SLC17A1: variants seen among roughly 807,000 people sequenced by gnomAD.
SLC17A1 encodes solute carrier family 17 member 1, also known as sodium-dependent phosphate transport protein 1.
Under a neutral mutation model 53.5 loss-of-function variants are expected in SLC17A1, and 51 were observed. That is an observed-to-expected ratio of 0.95 (90% CI 0.76 to 1.20). The LOEUF (loss-of-function observed/expected upper bound fraction) is 1.20. Among genes scored for constraint, SLC17A1 ranks in the 50% most tolerant of loss-of-function variants. The pLI, the probability that SLC17A1 is intolerant of heterozygous loss-of-function variation, is 0.00. For missense variants in SLC17A1, 538 were observed against 568.2 expected (o/e 0.95, Z 0.54); for synonymous variants, 179 against 198.8 (o/e 0.90, Z 0.84).
At chr6:25,800,827 T>G in intron 11 of SLC17A1, 63 bp downstream of exon 11, 3 of 1,028,888 alleles carry the variant, frequency 2.9e-6, no homozygotes, top group Non-Finnish European at 4.5e-6. Flanking sequence ...ATTTTTCATA[T>G]GTGTAATCTT....
intron 12 of SLC17A1, among the ~76,000 whole-genome samples, chr6:25,784,615 C>G (rs1421455177): frequency 6.6e-6 from 1 of 152,186 alleles, no homozygotes; most frequent in Non-Finnish European, 1.5e-5. Flanking sequence ...ACACCTCGTA[C>G]TACGCCCCAC....
At chr6:25,731,782 T>A in the SLC17A1 span, 3 of 1,580,324 alleles carry the variant, frequency 1.9e-6, no homozygotes, top group Non-Finnish European at 2.6e-6. Context: ...CCTATCATGT[T>A]TTACTTGGAG....
chr6:25,778,975 A>T, downstream of SLC17A1: 1 of 1,571,666 alleles, frequency 6.4e-7, no homozygotes, highest in East Asian at 2.2e-5. Flanking sequence ...GAGCAGGAGG[A>T]CACAGAGCCA....
intron 1 of SLC17A1, among the ~76,000 whole-genome samples, chr6:25,831,195 T>G (rs1262147487): frequency 6.6e-6 from 1 of 152,138 alleles, no homozygotes; most frequent in Non-Finnish European, 1.5e-5. Flanking sequence ...GATGCAAAGC[T>G]TTATGGCAGG....
At chr6:25,800,134 A>G (rs1763711483) in intron 11 of SLC17A1, among the ~76,000 whole-genome samples, 1 of 152,086 alleles carries the variant, frequency 6.6e-6, no homozygotes, top group African/African-American at 2.4e-5. Flanking sequence ...TGCTAGTGGT[A>G]TGAAGGTGTA....
chr6:25,802,935 C>CTTTTTTTTTTTTTTTTTTTTT lies in SLC17A1; in HGVS notation c.1179-1976_1179-1956dup, dbSNP rs34669145. On this transcript the variant is annotated intron_variant, in intron 10 of 12. Transcript: ENST00000244527. ...ATGACGTTTTAACGACTATCTTCTT[C>CTTTTTTTTTTTTTTTTTTTTT]TTTTTTTTTTTTTTTTTTTTTTTTT... Among the ~76,000 whole-genome samples the CTTTTTTTTTTTTTTTTTTTTT allele has an allele frequency of 5.9e-4, 27 of 46,064 alleles. 6 individuals carry two copies. The highest frequency in any genetic ancestry group is 1.4e-3 in the African/African-American group (15 of 11,088). 30.2% of individuals were successfully genotyped at this position (46,064 alleles called of 152,430 possible).
chr6:25,819,087 G>A lies in SLC17A1; in HGVS notation c.597C>T (p.Pro199=), dbSNP rs764684597. 20 of 1,604,458 alleles carry A rather than the reference G, an allele frequency of 1.2e-5. No homozygotes were observed. The highest frequency in any genetic ancestry group is 1.6e-5 in the Non-Finnish European group (19 of 1,177,028). ...ACTCACCAAAAATATAGAAGACCAT[G>A]GGCCAGCCCAGAGATTCACAGATAA... ...TGVICESLGW[P]MVFYIFGACG... is the part of the protein sequence containing the mutation. Residue 199 remains proline, a synonymous_variant, in exon 6 of 13, where the codon CCC becomes CCT. Coordinates refer to ENST00000244527, the MANE Select transcript of SLC17A1 (RefSeq NM_005074.5).
At chr6:25,738,482 T>C in the SLC17A1 span, among the ~76,000 whole-genome samples, 1 of 152,062 alleles carries the variant, frequency 6.6e-6, no homozygotes, top group Non-Finnish European at 1.5e-5. Flanking sequence ...GAGAAAAGTC[T>C]TTTGAGTCTA....
At chr6:25,727,192 A>G in the SLC17A1 span, 20 of 1,614,132 alleles carry the variant, frequency 1.2e-5, no homozygotes, top group Non-Finnish European at 1.7e-5. Context: ...TCTTCCAGAG[A>G]GATTCAGACA....
chr6:25,809,909 A>G (rs953974948), intron 10 of SLC17A1, among the ~76,000 whole-genome samples: 1 of 152,170 alleles, frequency 6.6e-6, no homozygotes, highest in African/African-American at 2.4e-5. Context: ...TACTAGAATG[A>G]AAATAGATAC....
the SLC17A1 span, among the ~76,000 whole-genome samples, chr6:25,756,446 G>A: frequency 6.6e-6 from 1 of 152,122 alleles, no homozygotes; most frequent in Admixed American, 6.5e-5. Context: ...TGACCTAGTT[G>A]CTGTCAATGC....
At chr6:25,823,431 C>T (rs1764634978) in intron 3 of SLC17A1, among the ~76,000 whole-genome samples, 2 of 152,066 alleles carry the variant, frequency 1.3e-5, no homozygotes, top group Admixed American at 1.3e-4. Context: ...TGCATTCTCA[C>T]CAGGACTGTA....
chr6:25,792,440 A>C (rs183817760), intron 12 of SLC17A1, among the ~76,000 whole-genome samples: 19 of 151,638 alleles, frequency 1.3e-4, no homozygotes, highest in African/African-American at 4.6e-4. Flanking sequence ...CCAGTCTACA[A>C]GTCTTCCACA....
chr6:25,818,970 T>C (rs1764451981), intron 6 of SLC17A1, 98 bp downstream of exon 6: 1 of 757,228 alleles, frequency 1.3e-6, no homozygotes, highest in East Asian at 2.8e-5. Context: ...TGATTTTTAA[T>C]ATTAACTTTA....
chr6:25,782,904 A>C (rs1476256027), downstream of SLC17A1: 1 of 152,214 alleles, frequency 6.6e-6, no homozygotes, highest in East Asian at 1.9e-4. Context: ...GTCTTTCATG[A>C]AGCCTTAGAA....
At chr6:25,770,144 A>T in the SLC17A1 span, 1 of 1,614,066 alleles carries the variant, frequency 6.2e-7, no homozygotes, top group South Asian at 1.1e-5. Context: ...TCTTGGCTCC[A>T]ATCCCCAGTG....
the SLC17A1 span, among the ~76,000 whole-genome samples, chr6:25,739,515 A>G: frequency 6.6e-6 from 1 of 152,190 alleles, no homozygotes; most frequent in African/African-American, 2.4e-5. Flanking sequence ...TGTTTTTAAT[A>G]GGTAAGCCTT....
intron 10 of SLC17A1, among the ~76,000 whole-genome samples, chr6:25,809,748 G>T (rs1012559712): frequency 6.6e-6 from 1 of 151,846 alleles, no homozygotes; most frequent in Non-Finnish European, 1.5e-5. Context: ...GACATGTTTC[G>T]CAGAAATAGA....
the SLC17A1 span, among the ~76,000 whole-genome samples, chr6:25,735,690 T>C: frequency 2.4e-3 from 369 of 152,294 alleles, 2 homozygotes; most frequent in Middle Eastern, 0.01. Context: ...CAATATGCTA[T>C]GGTGGAAGCA....
Sources: gnomAD v4.1 joint callset for allele counts (sites outside exome capture counted in the v4.1 genomes callset) on GRCh38, gnomAD v4.1.1 for gene constraint, MANE v1.5 for transcripts, NCBI Gene and HGNC (gene_info 2026-07-23, HGNC 2026-07-21) for gene names.